Variants in LARP4 observed in about 807,000 individuals in gnomAD.
The protein encoded by LARP4 is la-related protein 4.
Under a neutral mutation model 92.9 loss-of-function variants are expected in LARP4, and 29 were observed. That is an observed-to-expected ratio of 0.31 (90% CI 0.23 to 0.43). The LOEUF (loss-of-function observed/expected upper bound fraction) is 0.43. Among genes scored for constraint, LARP4 ranks in the 20% least tolerant of loss-of-function variants. LARP4 has a pLI of 1.00. For missense variants in LARP4, 732 were observed against 860.0 expected, an observed-to-expected ratio of 0.85 and a Z score of 1.86; for synonymous variants, 279 against 284.1, an observed-to-expected ratio of 0.98 and a Z score of 0.18.
intron 14 of LARP4, 38 bp from the exon 15 acceptor site, chr12:50,473,961 G>T: frequency 6.4e-7 from 1 of 1,570,556 alleles, no homozygotes; most frequent in African/African-American, 1.4e-5. Context: ...GTTCCTATAT[G>T]CTATTCTGAG....
chr12:50,450,014 A>G (rs143528818), intron 8 of LARP4, among the ~76,000 whole-genome samples: 1,341 of 133,218 alleles, frequency 0.01, 17 homozygotes, highest in African/African-American at 0.036. Flanking sequence ...GCTCACTGCA[A>G]CCTCCGCCTC....
At chr12:50,448,035 T>A (rs1384982933) in intron 8 of LARP4, among the ~76,000 whole-genome samples, 1 of 151,924 alleles carries the variant, frequency 6.6e-6, no homozygotes, top group African/African-American at 2.4e-5. Context: ...CCCAGCTAAT[T>A]TTTGTATTTT....
chr12:50,469,936 A>T (rs1956719206), intron 13 of LARP4, among the ~76,000 whole-genome samples: 2 of 63,488 alleles, frequency 3.2e-5, no homozygotes, highest in Admixed American at 2.9e-4. Flanking sequence ...AAAAAAATAA[A>T]TAGGCAGGCA....
intron 13 of LARP4, among the ~76,000 whole-genome samples, chr12:50,472,319 T>G (rs1263707851): frequency 6.6e-6 from 1 of 152,194 alleles, no homozygotes; most frequent in Non-Finnish European, 1.5e-5. Flanking sequence ...TATTAAACCA[T>G]TACCTGTTCC....
At chr12:50,408,187 CTT>C (rs71083565) in intron 1 of LARP4, among the ~76,000 whole-genome samples, 1 of 69,264 alleles carries the variant, frequency 1.4e-5, no homozygotes, top group Non-Finnish European at 2.4e-5. Context: ...GGATTTTCTG[CTT>C]TTTTTTTTTT....
At chr12:50,441,451 A>G (rs1951192745) in intron 7 of LARP4, 139 bp from the exon 8 acceptor site, 1 of 531,178 alleles carries the variant, frequency 1.9e-6, no homozygotes, top group Non-Finnish European at 3.3e-6. Flanking sequence ...TTACTTTTTC[A>G]TTCCCTGTCC....
At chr12:50,461,412 A>G (rs4351895) in intron 11 of LARP4, 65 bp downstream of exon 11, 1,160,927 of 1,350,956 alleles carry the variant, frequency 0.86, 518,680 homozygotes, top group Non-Finnish European at 0.93. Flanking sequence ...ATTGAAGAAC[A>G]TGATCTTCAT....
At chr12:50,405,951 T>C (rs549339223) in intron 1 of LARP4, among the ~76,000 whole-genome samples, 119 of 152,342 alleles carry the variant, frequency 7.8e-4, no homozygotes, top group Middle Eastern at 3.4e-3. Flanking sequence ...AAATAGTTGC[T>C]ATACTGTATT....
intron 1 of LARP4, among the ~76,000 whole-genome samples, chr12:50,414,868 C>T (rs1486646858): frequency 6.6e-6 from 1 of 152,106 alleles, no homozygotes; most frequent in Non-Finnish European, 1.5e-5. Flanking sequence ...CTGTACTATA[C>T]AACCTTTTAT....
intron 8 of LARP4, among the ~76,000 whole-genome samples, chr12:50,446,071 C>CAAGTGCAGT (rs1951985216): frequency 6.9e-6 from 1 of 145,364 alleles, no homozygotes; most frequent in Non-Finnish European, 1.5e-5. Context: ...GGCACAAACT[C>CAAGTGCAGT]GGCTCACTGC....
At chr12:50,423,258 G>A (rs1201569301) in intron 1 of LARP4, among the ~76,000 whole-genome samples, 1 of 151,776 alleles carries the variant, frequency 6.6e-6, no homozygotes, top group African/African-American at 2.4e-5. Context: ...CAGTTTTATA[G>A]CATTCTATAG....
chr12:50,446,748 T>C (rs1423760404), intron 8 of LARP4, among the ~76,000 whole-genome samples: 2 of 151,986 alleles, frequency 1.3e-5, no homozygotes, highest in African/African-American at 4.8e-5. Flanking sequence ...ATTTTTAAAA[T>C]AATGCTGTTT....
intron 8 of LARP4, among the ~76,000 whole-genome samples, chr12:50,451,239 C>G (rs966887405): frequency 2.0e-5 from 3 of 152,220 alleles, no homozygotes; most frequent in South Asian, 2.1e-4. Context: ...CTATCCCTAG[C>G]TTATGGTAAC....
chr12:50,462,426 C>T (rs1012262347), intron 11 of LARP4, among the ~76,000 whole-genome samples, 156 bp from the exon 12 acceptor site: 10 of 150,120 alleles, frequency 6.7e-5, no homozygotes, highest in Admixed American at 2.0e-4. Flanking sequence ...CGTAGTGAGC[C>T]GAGATCGCGC....
At chr12:50,440,777 A>T (rs1331182550) in intron 7 of LARP4, among the ~76,000 whole-genome samples, 1 of 152,204 alleles carries the variant, frequency 6.6e-6, no homozygotes. Context: ...TTAACATAAC[A>T]GTTTTAAAAT....
At position 50,477,977 on chromosome 12, in the gene LARP4, C is replaced by G. The variant is rs1452605173; in HGVS notation, c.*2113C>G. 6.6e-6 allele frequency: 1 copy of G among 152,478 alleles called. No homozygotes were observed. The highest frequency in any genetic ancestry group is 1.9e-4 in the East Asian group (1 of 5,204). 9.4% of individuals were successfully genotyped at this position (152,478 alleles called of 1,614,324 possible). ...GAGAATAAACATTTTGTAAAAATCA[C>G]TTGGTAAGGATTATAAACTTAATTA... On this transcript the variant is annotated 3_prime_UTR_variant, in exon 16 of 16. Coordinates refer to ENST00000398473, the MANE Select transcript of LARP4 (RefSeq NM_052879.5).
intron 5 of LARP4, among the ~76,000 whole-genome samples, chr12:50,436,121 A>ATG (rs1950407437): frequency 1.8e-5 from 1 of 57,064 alleles, no homozygotes; most frequent in African/African-American, 8.1e-5. Flanking sequence ...TGTGTGTGTG[A>ATG]TATGTGTGTG....
Position 50,453,613 on chromosome 12 carries a change from T to A in LARP4, c.958T>A (p.Tyr320Asn). 6.2e-7 allele frequency: 1 copy of A among 1,613,264 alleles called. No individual in the cohort carries two copies. The highest frequency in any genetic ancestry group is 2.2e-5 in the East Asian group (1 of 44,852). ...TAATCCTCACCAACAGTACTCGGTC[T>A]ATAGTATTGTGCCTCAGTCTTGGTC... ...VYNPHQQYSV[Y>N]SIVPQSWSPN... is the part of the protein sequence containing the mutation. Residue 320 changes from tyrosine to asparagine, a missense_variant, in exon 9 of 16, where the codon TAT becomes AAT. Coordinates refer to ENST00000398473, the MANE Select transcript of LARP4 (RefSeq NM_052879.5).
At chr12:50,445,536 TCTC>T (rs1473103007) in intron 8 of LARP4, among the ~76,000 whole-genome samples, 4 of 152,126 alleles carry the variant, frequency 2.6e-5, no homozygotes, top group African/African-American at 7.2e-5. Context: ...TGCCCTCTCT[TCTC>T]CTTTCTTTTT....
Sources: allele counts gnomAD v4.1 joint callset (sites outside exome capture counted in the v4.1 genomes callset), GRCh38; gene constraint gnomAD v4.1.1; transcripts MANE v1.5; gene names NCBI Gene and HGNC (gene_info 2026-07-23, HGNC 2026-07-21).